Variants in UBQLN1 observed in about 807,000 individuals in gnomAD.
The protein encoded by UBQLN1 is ubiquilin 1.
Under a neutral mutation model 65.4 loss-of-function variants are expected in UBQLN1, and 13 were observed. The observed-to-expected ratio is 0.20, with a 90% confidence interval of 0.13 to 0.32. The LOEUF is 0.32. Among genes scored for constraint, UBQLN1 ranks in the 10% least tolerant of loss-of-function variants. UBQLN1 has a pLI of 1.00. For synonymous variants in UBQLN1, 267 were observed against 247.8 expected, an observed-to-expected ratio of 1.08 and a Z score of -0.73; for missense variants, 561 against 724.0, an observed-to-expected ratio of 0.77 and a Z score of 2.58.
intron 6 of UBQLN1, among the ~76,000 whole-genome samples, chr9:83,674,789 C>T (rs898064329): frequency 6.6e-6 from 1 of 152,088 alleles, no homozygotes; most frequent in Non-Finnish European, 1.5e-5. Flanking sequence ...TCTGAAGTGA[C>T]CGGAAAATTA....
At chr9:83,668,507 C>T (rs1458067157) in intron 7 of UBQLN1, 15 of 985,232 alleles carry the variant, frequency 1.5e-5, no homozygotes, top group Admixed American at 6.2e-5. Context: ...AAAGGGTTAT[C>T]GGACGCAATT....
chr9:83,663,733 A>G, intron 10 of UBQLN1, 142 bp downstream of exon 10: 5 of 834,990 alleles, frequency 6.0e-6, no homozygotes, highest in Non-Finnish European at 8.5e-6. Flanking sequence ...TTCTTACTCA[A>G]TATCCTTAAG....
chr9:83,680,648 C>T (rs1831924389), intron 3 of UBQLN1, among the ~76,000 whole-genome samples: 1 of 152,230 alleles, frequency 6.6e-6, no homozygotes, highest in Non-Finnish European at 1.5e-5. Flanking sequence ...CCATCCCCCA[C>T]ATACCCATAC....
chr9:83,703,922 T>C (rs1237713226), intron 1 of UBQLN1, among the ~76,000 whole-genome samples: 3 of 152,180 alleles, frequency 2.0e-5, no homozygotes, highest in Non-Finnish European at 1.5e-5. Context: ...ACCCAAGAAG[T>C]TTAACGTAAT....
intron 1 of UBQLN1, among the ~76,000 whole-genome samples, chr9:83,702,996 T>A (rs988371477): frequency 6.6e-6 from 1 of 152,158 alleles, no homozygotes; most frequent in Non-Finnish European, 1.5e-5. Flanking sequence ...CCTAACAGTC[T>A]ATGAAATCCC....
chr9:83,679,721 A>C, intron 4 of UBQLN1, 54 bp downstream of exon 4: 1 of 1,567,190 alleles, frequency 6.4e-7, no homozygotes, highest in Non-Finnish European at 8.7e-7. Flanking sequence ...CAGAAAATTA[A>C]ATAACAAATA....
chr9:83,684,444 C>T (rs1419437776), intron 2 of UBQLN1, among the ~76,000 whole-genome samples: 1 of 151,970 alleles, frequency 6.6e-6, no homozygotes, highest in Non-Finnish European at 1.5e-5. Flanking sequence ...ATCTGCCCAC[C>T]TCACCCTCCC....
intron 1 of UBQLN1, among the ~76,000 whole-genome samples, chr9:83,698,005 G>A (rs1832248749): frequency 6.6e-6 from 1 of 152,000 alleles, no homozygotes; most frequent in South Asian, 2.1e-4. Context: ...CAGAGTGCCG[G>A]GATTAGCAGC....
intron 6 of UBQLN1, among the ~76,000 whole-genome samples, chr9:83,673,568 CAAAA>C (rs77515396): frequency 4.8e-5 from 4 of 82,638 alleles, no homozygotes; most frequent in African/African-American, 1.2e-4. Context: ...AAAAAAAAAA[CAAAA>C]AAAAAAAACT....
chr9:83,676,590 T>C (rs916185174), intron 6 of UBQLN1, among the ~76,000 whole-genome samples: 1 of 152,230 alleles, frequency 6.6e-6, no homozygotes, highest in Non-Finnish European at 1.5e-5. Flanking sequence ...ACCTATATTA[T>C]AAACATAAAT....
At chr9:83,664,144 A>C in intron 9 of UBQLN1, 101 bp from the exon 10 acceptor site, 2 of 1,360,202 alleles carry the variant, frequency 1.5e-6, no homozygotes, top group Non-Finnish European at 2.0e-6. Flanking sequence ...ATCTTCTTAA[A>C]ATAAGCCCTT....
intron 1 of UBQLN1, 133 bp downstream of exon 1, chr9:83,707,367 C>G: frequency 9.9e-7 from 1 of 1,013,294 alleles, no homozygotes; most frequent in South Asian, 1.7e-5. Flanking sequence ...TGGGTGTGAT[C>G]TAATTTGGGA....
intron 8 of UBQLN1, 197 bp from the exon 9 acceptor site, chr9:83,665,342 A>C: frequency 2.3e-6 from 1 of 442,614 alleles, no homozygotes; most frequent in Non-Finnish European, 4.0e-6. Context: ...TTATTACTTG[A>C]CCTCCTCCTA....
chr9:83,679,847 T>C lies in UBQLN1; in HGVS notation c.639A>G (p.Pro213=), dbSNP rs1184143070. The stretch of plus-strand genomic sequence containing the variant: ...TTCTCTGTATCAACTGCTGCATTTG[T>C]GGATTGGCCATAATTAACTGTCTCA... The part of the protein sequence containing the change: ...DLMRQLIMAN[P]QMQQLIQRNP... Residue 213 remains proline (P), a synonymous_variant, in exon 4 of 11, where the codon CCA becomes CCG. Coordinates refer to ENST00000376395, the MANE Select transcript of UBQLN1 (RefSeq NM_013438.5). The C allele has an allele frequency of 3.1e-6, 5 of 1,614,074 alleles. No individual in the cohort carries two copies. The highest frequency in any genetic ancestry group is 2.7e-5 in the African/African-American group (2 of 74,938).
intron 7 of UBQLN1, chr9:83,667,455 A>G (rs762296349): frequency 4.9e-5 from 48 of 980,284 alleles, no homozygotes; most frequent in Non-Finnish European, 5.7e-5. Context: ...ATTCTTGCAA[A>G]GTGATCTTTT....
intron 1 of UBQLN1, among the ~76,000 whole-genome samples, chr9:83,692,864 TAAC>T (rs971997348): frequency 6.6e-6 from 1 of 152,134 alleles, no homozygotes; most frequent in Non-Finnish European, 1.5e-5. Flanking sequence ...AAAATAATAA[TAAC>T]AACAATAATA....
At chr9:83,694,412 T>C (rs1380208790) in intron 1 of UBQLN1, among the ~76,000 whole-genome samples, 1 of 152,198 alleles carries the variant, frequency 6.6e-6, no homozygotes, top group Admixed American at 6.5e-5. Flanking sequence ...ATATACATGG[T>C]TCTGTCAGTT....
Position 83,707,587 on chromosome 9 carries a change from G to T in UBQLN1, c.93C>A (p.Ser31=), listed in dbSNP as rs201847758. ...EGAGAPAAAA[S]AEPKIMKVTV... Reference sequence around the variant, plus strand: ...TGACTTTCATGATTTTGGGCTCCGCGGAGGCAGCGGCCGCGGGGGCGCCAG... The same window carrying T: ...TGACTTTCATGATTTTGGGCTCCGCTGAGGCAGCGGCCGCGGGGGCGCCAG... The change falls in exon 1 of 11, where the codon TCC becomes TCA. Residue 31 remains serine (S), a synonymous_variant. Transcript: ENST00000376395. The T allele has an allele frequency of 2.2e-5, 35 of 1,605,966 alleles. No individual in the cohort carries two copies. The highest frequency in any genetic ancestry group is 3.4e-6 in the Non-Finnish European group (4 of 1,176,782).
chr9:83,686,592 T>C (rs1046314161), intron 1 of UBQLN1, among the ~76,000 whole-genome samples: 4 of 152,206 alleles, frequency 2.6e-5, no homozygotes, highest in Admixed American at 6.5e-5. Flanking sequence ...TTATTCTTTT[T>C]ATGTTAATGA....
Sources: allele counts gnomAD v4.1 joint callset (sites outside exome capture counted in the v4.1 genomes callset), GRCh38; gene constraint gnomAD v4.1.1; transcripts MANE v1.5; gene names NCBI Gene and HGNC (gene_info 2026-07-23, HGNC 2026-07-21).